Variants in SLC4A4 observed in about 807,000 individuals in gnomAD.
SLC4A4 encodes the protein solute carrier family 4 member 4.
SLC4A4 carries 27 observed loss-of-function variants against 111.5 expected under a neutral mutation model. The ratio of observed to expected loss-of-function variants is 0.24; its 90% CI spans 0.18 to 0.33. The LOEUF (loss-of-function observed/expected upper bound fraction) is 0.33. Ranked by LOEUF, SLC4A4 falls within the 10% of genes least tolerant of loss-of-function variation. SLC4A4 has a pLI of 1.00. For missense variants in SLC4A4, 909 were observed against 1,315.5 expected (o/e 0.69, Z 4.78); for synonymous variants, 443 against 463.4 (o/e 0.96, Z 0.57).
At chr4:71,538,099 T>TA (rs1734720369) in intron 18 of SLC4A4, among the ~76,000 whole-genome samples, 1 of 56,976 alleles carries the variant, frequency 1.8e-5, no homozygotes, top group Non-Finnish European at 5.0e-5. Context: ...GGTTGTTGAC[T>TA]AATATTTTTA....
intron 3 of SLC4A4, among the ~76,000 whole-genome samples, chr4:71,322,143 C>A (rs1275400868): frequency 6.6e-6 from 1 of 151,924 alleles, no homozygotes; most frequent in African/African-American, 2.4e-5. Flanking sequence ...GGGAATGTCA[C>A]CTTTTTTCAA....
At chr4:71,422,259 C>T (rs1480689022) in intron 7 of SLC4A4, among the ~76,000 whole-genome samples, 2 of 143,416 alleles carry the variant, frequency 1.4e-5, no homozygotes, top group Non-Finnish European at 3.0e-5. Flanking sequence ...AATTCCTCGA[C>T]ACATACACTC....
At chr4:71,103,800 A>G (rs1164313431) in intron 2 of SLC4A4, among the ~76,000 whole-genome samples, 1 of 151,828 alleles carries the variant, frequency 6.6e-6, no homozygotes, top group African/African-American at 2.4e-5. Context: ...ATAGCACTAA[A>G]TGCCCACAAG....
At chr4:71,300,778 A>AC (rs1259497553) in intron 3 of SLC4A4, 2 of 353,988 alleles carry the variant, frequency 5.6e-6, no homozygotes. Flanking sequence ...TGGATAGCAG[A>AC]CCCCCGCAGC....
intron 17 of SLC4A4, 67 bp from the exon 18 acceptor site, chr4:71,534,160 G>A: frequency 1.4e-6 from 2 of 1,447,176 alleles, no homozygotes; most frequent in Admixed American, 1.7e-5. Flanking sequence ...CTTCCCGTTG[G>A]TTTTTTCACC....
intron 2 of SLC4A4, among the ~76,000 whole-genome samples, chr4:71,124,559 C>T (rs1215982861): frequency 6.6e-6 from 1 of 151,746 alleles, no homozygotes; most frequent in Non-Finnish European, 1.5e-5. Context: ...CCTTGTTTCT[C>T]ATTCTCATTT....
chr4:71,525,079 C>A (rs1306815693), intron 16 of SLC4A4, among the ~76,000 whole-genome samples: 1 of 152,126 alleles, frequency 6.6e-6, no homozygotes, highest in Non-Finnish European at 1.5e-5. Flanking sequence ...GTTAGTGTCT[C>A]TATGATTGTG....
At chr4:71,528,076 A>G (rs1733579878) in intron 16 of SLC4A4, among the ~76,000 whole-genome samples, 1 of 152,134 alleles carries the variant, frequency 6.6e-6, no homozygotes, top group South Asian at 2.1e-4. Flanking sequence ...AGAATGCCAT[A>G]GTATTCTTAG....
chr4:71,347,019 A>G (rs1337061777), intron 4 of SLC4A4, among the ~76,000 whole-genome samples: 1 of 152,148 alleles, frequency 6.6e-6, no homozygotes, highest in Non-Finnish European at 1.5e-5. Flanking sequence ...GAAACTGGCT[A>G]GTTTTGAGAA....
chr4:71,498,597 A>G (rs909789170), intron 16 of SLC4A4, among the ~76,000 whole-genome samples: 1 of 152,312 alleles, frequency 6.6e-6, no homozygotes, highest in East Asian at 1.9e-4. Flanking sequence ...GGAAATGAAA[A>G]TATATTTACT....
intron 6 of SLC4A4, among the ~76,000 whole-genome samples, chr4:71,370,429 A>G (rs1010185814): frequency 2.6e-5 from 4 of 152,212 alleles, no homozygotes; most frequent in African/African-American, 4.8e-5. Context: ...TTCTTTTACT[A>G]CTTAATGATG....
chr4:71,102,862 C>A (rs1445082897), intron 2 of SLC4A4, among the ~76,000 whole-genome samples: 19 of 151,832 alleles, frequency 1.3e-4, no homozygotes, highest in Admixed American at 5.9e-4. Context: ...ACTGCATCAA[C>A]TAACGAGCAA....
intron 2 of SLC4A4, among the ~76,000 whole-genome samples, chr4:71,145,438 G>T (rs1456990493): frequency 6.6e-6 from 1 of 152,184 alleles, no homozygotes; most frequent in Non-Finnish European, 1.5e-5. Flanking sequence ...CCAGGCTTTG[G>T]TATCAGGATG....
chr4:71,475,877 A>C (rs1003134914), intron 14 of SLC4A4, among the ~76,000 whole-genome samples: 2 of 151,814 alleles, frequency 1.3e-5, no homozygotes, highest in African/African-American at 4.8e-5. Flanking sequence ...CTGATCCTTA[A>C]AATTTAGGGT....
At chr4:71,480,380 A>G (rs923088130) in intron 14 of SLC4A4, among the ~76,000 whole-genome samples, 1 of 151,660 alleles carries the variant, frequency 6.6e-6, no homozygotes, top group African/African-American at 2.4e-5. Context: ...TAAGAAAAAA[A>G]AAAAAGAAAA....
chr4:71,543,157 A>G (rs1390846359), intron 18 of SLC4A4, among the ~76,000 whole-genome samples: 2 of 152,096 alleles, frequency 1.3e-5, no homozygotes, highest in African/African-American at 2.4e-5. Context: ...GTTAGCAAGA[A>G]TTAGCTAAAT....
At chr4:71,182,813 C>T (rs779392468), upstream of SLC4A4, among the ~76,000 whole-genome samples, 5 of 152,260 alleles carry the variant, frequency 3.3e-5, no homozygotes, top group East Asian at 1.9e-4. Flanking sequence ...ACATAATTCT[C>T]TACCACCGTA....
rs769445424 is a variant in SLC4A4, at chr4:71,363,716, G to A, written c.730+6529G>A. On this transcript the variant is annotated intron_variant, in intron 6 of 25. Coordinates refer to ENST00000264485, the MANE Select transcript of SLC4A4 (RefSeq NM_001098484.3). ...GCATACAATTAACTCTTTCCCAAAA[G>A]CAACAGCATACATCCACCTGTTTTG... 6.1e-4 allele frequency among the ~76,000 whole-genome samples: 93 copies of A among 152,232 alleles called. 1 individual carries two copies. Among genetic ancestry groups the A allele is most frequent in the Admixed American group, 4.6e-4 (7 of 15,298 alleles).
intron 13 of SLC4A4, among the ~76,000 whole-genome samples, chr4:71,467,364 T>A (rs1277248796): frequency 6.6e-6 from 1 of 152,116 alleles, no homozygotes; most frequent in Non-Finnish European, 1.5e-5. Flanking sequence ...AAAGATAGCT[T>A]CCAAAACTCA....
Sources: allele counts gnomAD v4.1 joint callset (sites outside exome capture counted in the v4.1 genomes callset), GRCh38; gene constraint gnomAD v4.1.1; transcripts MANE v1.5; gene names NCBI Gene and HGNC (gene_info 2026-07-23, HGNC 2026-07-21).